Variants in LRMDA observed in about 807,000 individuals in gnomAD.
The protein encoded by LRMDA is leucine rich melanocyte differentiation associated, also known as leucine-rich melanocyte differentiation-associated protein.
In LRMDA, 18 loss-of-function variants were observed where a neutral mutation model predicts 29.8. That is an observed-to-expected ratio of 0.60 (90% CI 0.42 to 0.90). The LOEUF is 0.90. Ranked by LOEUF, LRMDA falls within the 40% of genes least tolerant of loss-of-function variation. The pLI, the probability that LRMDA is intolerant of heterozygous loss-of-function variation, is 0.00. For synonymous variants in LRMDA, 125 were observed against 109.4 expected (o/e 1.14, Z -0.89); for missense variants, 273 against 273.9 (o/e 1.00, Z 0.02).
intron 6 of LRMDA, chr10:76,556,300 G>A (rs915817261): frequency 6.6e-6 from 1 of 152,070 alleles, no homozygotes; most frequent in Non-Finnish European, 1.5e-5. Flanking sequence ...CCTGTAAGAA[G>A]CCATTTAATG....
intron 6 of LRMDA, among the ~76,000 whole-genome samples, chr10:76,346,786 T>C (rs1841114114): frequency 6.6e-6 from 1 of 152,148 alleles, no homozygotes; most frequent in South Asian, 2.1e-4. Context: ...TTACCCAAGG[T>C]CCCAGTGCTA....
At chr10:76,306,731 A>T (rs1386218957) in intron 5 of LRMDA, among the ~76,000 whole-genome samples, 1 of 152,228 alleles carries the variant, frequency 6.6e-6, no homozygotes, top group Non-Finnish European at 1.5e-5. Flanking sequence ...TGAGGTTTGC[A>T]TATGTCAAAA....
chr10:76,340,560 T>C (rs989984047), intron 6 of LRMDA, among the ~76,000 whole-genome samples: 3 of 146,306 alleles, frequency 2.1e-5, no homozygotes, highest in Non-Finnish European at 4.5e-5. Flanking sequence ...GAGAAACCTA[T>C]GAAATTTAAC....
intron 6 of LRMDA, among the ~76,000 whole-genome samples, chr10:76,446,169 A>G (rs971309112): frequency 1.3e-5 from 2 of 152,182 alleles, no homozygotes; most frequent in Non-Finnish European, 2.9e-5. Context: ...TATTTTATCA[A>G]CATTGCGTTT....
At chr10:75,875,916 G>T (rs1460480205) in intron 2 of LRMDA, among the ~76,000 whole-genome samples, 1 of 151,984 alleles carries the variant, frequency 6.6e-6, no homozygotes, top group African/African-American at 2.4e-5. Flanking sequence ...GAGTAGTATT[G>T]GACCCTGGTG....
At chr10:75,867,541 G>A (rs1845041642) in intron 2 of LRMDA, among the ~76,000 whole-genome samples, 1 of 152,190 alleles carries the variant, frequency 6.6e-6, no homozygotes, top group African/African-American at 2.4e-5. Flanking sequence ...ACACAGTAGG[G>A]AAGGGTGAGG....
intron 2 of LRMDA, among the ~76,000 whole-genome samples, chr10:75,678,362 A>G (rs1223702311): frequency 6.6e-6 from 1 of 152,128 alleles, no homozygotes; most frequent in Non-Finnish European, 1.5e-5. Context: ...TGTGCTGGGG[A>G]TTTTATACAT....
chr10:75,878,103 G>A (rs1037968538), intron 2 of LRMDA, among the ~76,000 whole-genome samples: 2 of 152,162 alleles, frequency 1.3e-5, no homozygotes, highest in Admixed American at 6.5e-5. Flanking sequence ...CCCCAGTGGC[G>A]TATGTTACAG....
chr10:76,163,447 A>G (rs527953988), intron 5 of LRMDA, among the ~76,000 whole-genome samples: 9 of 152,250 alleles, frequency 5.9e-5, no homozygotes, highest in African/African-American at 2.2e-4. Flanking sequence ...AATGGAAGTG[A>G]TATGCATTTA....
At chr10:75,885,418 G>A (rs1845370349) in intron 2 of LRMDA, among the ~76,000 whole-genome samples, 1 of 152,168 alleles carries the variant, frequency 6.6e-6, no homozygotes, top group South Asian at 2.1e-4. Flanking sequence ...CCAGGTCTCA[G>A]CTTTTCGTAA....
At chr10:76,384,968 G>C (rs1841642172) in intron 6 of LRMDA, among the ~76,000 whole-genome samples, 1 of 152,210 alleles carries the variant, frequency 6.6e-6, no homozygotes, top group South Asian at 2.1e-4. Flanking sequence ...GAGCAGGTCT[G>C]GGAAAAGCCT....
chr10:76,254,335 C>CTATACTATACT (rs1564701474), intron 5 of LRMDA, among the ~76,000 whole-genome samples: 2 of 136,250 alleles, frequency 1.5e-5, no homozygotes, highest in African/African-American at 5.4e-5. Context: ...CATACCATAC[C>CTATACTATACT]ATACCATCCT....
At chr10:76,120,006 C>G (rs1849752297) in intron 5 of LRMDA, among the ~76,000 whole-genome samples, 1 of 152,092 alleles carries the variant, frequency 6.6e-6, no homozygotes, top group African/African-American at 2.4e-5. Context: ...GTCTTTTTAT[C>G]AGTTTCTGTT....
chr10:76,178,162 CCT>C (rs1445834602), intron 5 of LRMDA, among the ~76,000 whole-genome samples: 1 of 152,102 alleles, frequency 6.6e-6, no homozygotes, highest in Non-Finnish European at 1.5e-5. Flanking sequence ...CTTGCGATAC[CCT>C]GTGTTTTCAC....
At chr10:75,898,344 A>G (rs1432448014) in intron 2 of LRMDA, among the ~76,000 whole-genome samples, 1 of 152,250 alleles carries the variant, frequency 6.6e-6, no homozygotes, top group Non-Finnish European at 1.5e-5. Context: ...ATATCAAAGC[A>G]GGTCCAGAAG....
chr10:75,629,601 G>A (rs1271892937), intron 2 of LRMDA, among the ~76,000 whole-genome samples: 1 of 122,682 alleles, frequency 8.2e-6, no homozygotes, highest in Non-Finnish European at 1.8e-5. Context: ...GTAATTAAAT[G>A]AGCATTAAGT....
chr10:76,069,775 G>T (rs899234947), intron 5 of LRMDA, among the ~76,000 whole-genome samples: 1 of 151,730 alleles, frequency 6.6e-6, no homozygotes, highest in Non-Finnish European at 1.5e-5. Context: ...TTTTTGTTGG[G>T]CCCATTTTTA....
At chr10:76,351,000 C>A (rs939937148) in intron 6 of LRMDA, among the ~76,000 whole-genome samples, 4 of 152,002 alleles carry the variant, frequency 2.6e-5, no homozygotes, top group African/African-American at 9.7e-5. Context: ...TCTGGCAAAG[C>A]TTTATTTAAA....
intron 6 of LRMDA, among the ~76,000 whole-genome samples, chr10:76,358,272 C>A (rs988753296): frequency 2.0e-5 from 3 of 152,148 alleles, no homozygotes; most frequent in Non-Finnish European, 4.4e-5. Flanking sequence ...GCTTTATGTT[C>A]TTTTGGAAAT....
Sources: gnomAD v4.1 joint callset for allele counts (sites outside exome capture counted in the v4.1 genomes callset) on GRCh38, gnomAD v4.1.1 for gene constraint, MANE v1.5 for transcripts, NCBI Gene and HGNC (gene_info 2026-07-23, HGNC 2026-07-21) for gene names.